The following LGSN variants were observed in gnomAD, a reference collection of about 807,000 sequenced individuals.
LGSN encodes lengsin, lens protein with glutamine synthetase domain, also known as lengsin.
In LGSN, 21 loss-of-function variants were observed where a neutral mutation model predicts 19.5. The ratio of observed to expected loss-of-function variants is 1.07; its 90% confidence interval spans 0.76 to 1.55. The LOEUF (loss-of-function observed/expected upper bound fraction) is 1.55, where lower values mean the gene tolerates loss of function less well. Among genes scored for constraint, LGSN ranks in the 40% most tolerant of loss-of-function variants. LGSN has a pLI of 0.00. For synonymous variants in LGSN, 257 were observed against 215.6 expected, an observed-to-expected ratio of 1.19 and a Z score of -1.68; for missense variants, 673 against 608.5, an observed-to-expected ratio of 1.11 and a Z score of -1.12.
chr6:63,421,838 T>G, the LGSN span, among the ~76,000 whole-genome samples: 1 of 152,108 alleles, frequency 6.6e-6, no homozygotes, highest in Non-Finnish European at 1.5e-5. Context: ...AAAAAAGTTC[T>G]AACATTCTTG....
At chr6:63,526,800 A>AATGTATATATATATAT in the LGSN span, among the ~76,000 whole-genome samples, 2 of 82,486 alleles carry the variant, frequency 2.4e-5, no homozygotes, top group South Asian at 7.5e-4. Context: ...CTATCTCAAA[A>AATGTATATATATATAT]ATGTATATAT....
the LGSN span, among the ~76,000 whole-genome samples, chr6:63,453,375 T>C: frequency 3.7e-4 from 57 of 152,334 alleles, no homozygotes; most frequent in African/African-American, 1.3e-3. Flanking sequence ...AAAGAGTTGA[T>C]ATATACAACT....
the LGSN span, among the ~76,000 whole-genome samples, chr6:63,429,403 A>G: frequency 3.3e-5 from 5 of 152,138 alleles, no homozygotes; most frequent in Admixed American, 3.3e-4. Context: ...TATGAATTGG[A>G]CCAGCCGAAA....
At chr6:63,324,912 C>T (rs1402116958), upstream of LGSN, among the ~76,000 whole-genome samples, 3 of 151,466 alleles carry the variant, frequency 2.0e-5, no homozygotes, top group Non-Finnish European at 4.4e-5. Context: ...TCAAGACTAT[C>T]CTGGCCAACA....
chr6:63,412,446 GAAA>G, the LGSN span, among the ~76,000 whole-genome samples: 1 of 126,748 alleles, frequency 7.9e-6, no homozygotes, highest in African/African-American at 3.5e-5. Flanking sequence ...AAGAAAGCAA[GAAA>G]GAAAGAAAGA....
At chr6:63,480,271 C>T in the LGSN span, 5 of 216,338 alleles carry the variant, frequency 2.3e-5, no homozygotes, top group East Asian at 1.1e-4. Context: ...GTCCATTGTC[C>T]GGTAATTTGT....
chr6:63,432,158 AAAGAAAGAAAGAAAAGGAAAG>A, the LGSN span, among the ~76,000 whole-genome samples: 1 of 115,194 alleles, frequency 8.7e-6, no homozygotes, highest in Non-Finnish European at 1.7e-5. Flanking sequence ...AGAAAGAAAG[AAAGAAAGAAAGAAAAGGAAAG>A]AAAGAAAAGA....
the LGSN span, among the ~76,000 whole-genome samples, chr6:63,495,592 G>C: frequency 6.6e-6 from 1 of 150,396 alleles, no homozygotes; most frequent in African/African-American, 2.5e-5. Context: ...TGAGATTACA[G>C]GCATGCACCA....
chr6:63,406,537 A>C, the LGSN span, among the ~76,000 whole-genome samples: 3 of 139,506 alleles, frequency 2.2e-5, no homozygotes, highest in African/African-American at 9.3e-5. Flanking sequence ...AGTGTGTAGA[A>C]GGAAATTTAT....
chr6:63,333,544 A>G, the LGSN span, among the ~76,000 whole-genome samples: 3 of 147,510 alleles, frequency 2.0e-5, no homozygotes, highest in African/African-American at 7.7e-5. Flanking sequence ...AGAACGAAAG[A>G]AAGAAAAAGA....
the LGSN span, among the ~76,000 whole-genome samples, chr6:63,424,828 CTT>C: frequency 6.6e-6 from 1 of 152,038 alleles, no homozygotes; most frequent in African/African-American, 2.4e-5. Context: ...GGGAGGATCT[CTT>C]GAGTGCAGGA....
the LGSN span, among the ~76,000 whole-genome samples, chr6:63,479,862 A>G: frequency 6.6e-6 from 1 of 152,146 alleles, no homozygotes; most frequent in Non-Finnish European, 1.5e-5. Flanking sequence ...CTATTTCCTA[A>G]TCATTCAGTC....
chr6:63,375,571 G>A, the LGSN span, among the ~76,000 whole-genome samples: 1 of 152,094 alleles, frequency 6.6e-6, no homozygotes, highest in Non-Finnish European at 1.5e-5. Flanking sequence ...ATGTGGATAT[G>A]TATATATTCG....
chr6:63,446,270 A>G, the LGSN span, among the ~76,000 whole-genome samples: 1 of 147,286 alleles, frequency 6.8e-6, no homozygotes. Flanking sequence ...AAAAACGAAC[A>G]GTGTACATGA....
chr6:63,386,946 C>A, the LGSN span, among the ~76,000 whole-genome samples: 2 of 151,784 alleles, frequency 1.3e-5, no homozygotes, highest in Non-Finnish European at 2.9e-5. Flanking sequence ...ATTAAAAATA[C>A]AAAAATCAGC....
chr6:63,529,717 T>C, the LGSN span, among the ~76,000 whole-genome samples: 1 of 152,222 alleles, frequency 6.6e-6, no homozygotes, highest in African/African-American at 2.4e-5. Context: ...GAAAAGGTTA[T>C]GCATTTTATC....
chr6:63,465,447 G>A, the LGSN span, among the ~76,000 whole-genome samples: 39 of 151,972 alleles, frequency 2.6e-4, no homozygotes, highest in African/African-American at 9.5e-4. Flanking sequence ...CTCCCAAAAT[G>A]CTGGGATTAC....
chr6:63,383,211 C>T, the LGSN span, among the ~76,000 whole-genome samples: 4 of 152,082 alleles, frequency 2.6e-5, no homozygotes, highest in African/African-American at 9.7e-5. Flanking sequence ...AATTCTCCTT[C>T]CTCAGCCTCC....
the LGSN span, among the ~76,000 whole-genome samples, chr6:63,513,898 G>A: frequency 2.0e-4 from 22 of 109,532 alleles, no homozygotes; most frequent in Non-Finnish European, 3.2e-4. Flanking sequence ...GCAACAGAGC[G>A]AGACTTCATC....
Sources: allele counts gnomAD v4.1 joint callset (sites outside exome capture counted in the v4.1 genomes callset), GRCh38; gene constraint gnomAD v4.1.1; transcripts MANE v1.5; gene names NCBI Gene and HGNC (gene_info 2026-07-23, HGNC 2026-07-21).